Variants in SGCZ observed in about 807,000 individuals in gnomAD.
SGCZ encodes sarcoglycan zeta, also known as zeta-sarcoglycan.
In SGCZ, 40 loss-of-function variants were observed where a neutral mutation model predicts 41.3. The ratio of observed to expected loss-of-function variants is 0.97; its 90% CI spans 0.75 to 1.26. The LOEUF (loss-of-function observed/expected upper bound fraction) is 1.26. Among genes scored for constraint, SGCZ ranks in the 50% most tolerant of loss-of-function variants. SGCZ has a pLI of 0.00. For missense variants in SGCZ, 552 were observed against 369.8 expected (o/e 1.49, Z -4.04); for synonymous variants, 206 against 137.5 (o/e 1.50, Z -3.49).
At chr8:15,158,029 C>T (rs1799387273) in intron 1 of SGCZ, among the ~76,000 whole-genome samples, 1 of 152,128 alleles carries the variant, frequency 6.6e-6, no homozygotes, top group African/African-American at 2.4e-5. Flanking sequence ...TTTGTCCATG[C>T]ACTTGCCTCT....
intron 5 of SGCZ, among the ~76,000 whole-genome samples, chr8:14,141,997 A>C (rs191873225): frequency 6.6e-6 from 1 of 152,224 alleles, no homozygotes; most frequent in Non-Finnish European, 1.5e-5. Flanking sequence ...TAAAAAATGG[A>C]TAAGTTCATG....
In SGCZ at chr8:14,220,597, T is replaced by G. The variant is rs974221196; in HGVS notation, c.424+16995A>C. The stretch of plus-strand genomic sequence containing the variant: ...TAATAAAACCCCAGCCTGACCAACA[T>G]GTTGAAAGCCCGTCTCTACTAAAAA... On this transcript the variant is annotated intron_variant, in intron 4 of 7. Transcript: ENST00000382080. Among the ~76,000 whole-genome samples, 6 of 151,936 alleles carry G rather than the reference T, an allele frequency of 3.9e-5. No individual in the cohort carries two copies. The South Asian group carries it at 1.2e-3, about 32-fold the overall frequency.
chr8:14,751,385 A>G (rs1187236828), intron 1 of SGCZ, among the ~76,000 whole-genome samples: 1 of 152,158 alleles, frequency 6.6e-6, no homozygotes, highest in East Asian at 1.9e-4. Flanking sequence ...AGTAGGATCT[A>G]GAGTATTTAT....
intron 1 of SGCZ, among the ~76,000 whole-genome samples, chr8:14,666,423 G>C (rs529590281): frequency 2.2e-4 from 34 of 152,300 alleles, no homozygotes; most frequent in Admixed American, 2.0e-3. Context: ...TTGGTGACCA[G>C]ATGCAGTGAA....
At chr8:14,325,777 T>C (rs1314327078) in intron 2 of SGCZ, among the ~76,000 whole-genome samples, 17 of 75,026 alleles carry the variant, frequency 2.3e-4, no homozygotes, top group South Asian at 9.9e-4. Flanking sequence ...TATATATATA[T>C]ATATATATAT....
chr8:14,973,051 G>A (rs1324216609), intron 1 of SGCZ, among the ~76,000 whole-genome samples: 2 of 152,086 alleles, frequency 1.3e-5, no homozygotes, highest in African/African-American at 4.8e-5. Flanking sequence ...ACTGTGTGCT[G>A]GATATTTGCA....
At chr8:14,948,037 T>C (rs964283464) in intron 1 of SGCZ, among the ~76,000 whole-genome samples, 2 of 152,118 alleles carry the variant, frequency 1.3e-5, no homozygotes, top group African/African-American at 2.4e-5. Context: ...ACTTCTTCAT[T>C]ATGGAGAAGG....
At chr8:14,978,696 T>A (rs1801567876) in intron 1 of SGCZ, among the ~76,000 whole-genome samples, 1 of 152,116 alleles carries the variant, frequency 6.6e-6, no homozygotes, top group South Asian at 2.1e-4. Context: ...ATGAAATACC[T>A]TTCTTTAATA....
chr8:14,603,871 A>G (rs751760770), intron 1 of SGCZ, among the ~76,000 whole-genome samples: 49 of 152,176 alleles, frequency 3.2e-4, no homozygotes, highest in Non-Finnish European at 6.9e-4. Context: ...CTACATTGCT[A>G]AGTATTCAAA....
At chr8:15,053,683 G>A (rs1804603183) in intron 1 of SGCZ, among the ~76,000 whole-genome samples, 1 of 152,108 alleles carries the variant, frequency 6.6e-6, no homozygotes, top group Non-Finnish European at 1.5e-5. Context: ...GGGGTTGGGG[G>A]CTCAGTGAAA....
chr8:14,443,104 G>T (rs965637383), intron 2 of SGCZ, among the ~76,000 whole-genome samples: 3 of 152,088 alleles, frequency 2.0e-5, no homozygotes, highest in Admixed American at 6.5e-5. Flanking sequence ...AACTTACAAG[G>T]GACATGAAGG....
intron 1 of SGCZ, among the ~76,000 whole-genome samples, chr8:14,795,630 A>T (rs1034257050): frequency 3.9e-5 from 6 of 152,098 alleles, no homozygotes; most frequent in Non-Finnish European, 8.8e-5. Flanking sequence ...CCCTCATATT[A>T]AAATGCAAAA....
rs1563404641 is a variant in SGCZ at position 14,551,540 on chromosome 8, AT to A, written c.234+3191del. On this transcript the variant is annotated intron_variant, in intron 2 of 7. Transcript: ENST00000382080. The stretch of plus-strand genomic sequence containing the variant: ...ATTATATATAATATATATAATATAT[AT>A]AATATATATAATATATATTATATAT... 1.1e-3 allele frequency among the ~76,000 whole-genome samples: 6 copies of A among 5,702 alleles called. 3 individuals carry two copies. The highest frequency in any genetic ancestry group is 2.2e-3 in the Non-Finnish European group (6 of 2,712). The allele number at this position is 5,702 out of a possible 152,430, so 3.7% of individuals were successfully genotyped here.
At chr8:14,346,258 A>G (rs1802888880) in intron 2 of SGCZ, among the ~76,000 whole-genome samples, 1 of 151,666 alleles carries the variant, frequency 6.6e-6, no homozygotes, top group African/African-American at 2.4e-5. Flanking sequence ...TAAACCTAAA[A>G]CTCCTCAAAA....
rs535326321 is a variant in SGCZ, at chr8:14,950,688, C to A, written c.39+286897G>T. ...AGAAATACAGGCACTCATGTAGAAG[C>A]AAGATTTGAGAAATGTGAATGTGGT... On this transcript the variant is annotated intron_variant, in intron 1 of 7. Transcript: ENST00000382080. Among the ~76,000 whole-genome samples, 8 of 151,874 alleles carry A rather than the reference C, an allele frequency of 5.3e-5. No individual in the cohort carries two copies. In the South Asian group the frequency reaches 1.0e-3, roughly 20 times the overall value.
chr8:14,352,179 C>T (rs1803123795), intron 2 of SGCZ, among the ~76,000 whole-genome samples: 1 of 151,940 alleles, frequency 6.6e-6, no homozygotes, highest in Admixed American at 6.6e-5. Context: ...GTTACAAAAA[C>T]TTGTGTGAAG....
At chr8:15,120,154 A>G (rs10111663) in intron 1 of SGCZ, among the ~76,000 whole-genome samples, 23,572 of 152,202 alleles carry the variant, frequency 0.15, 1,921 homozygotes, top group East Asian at 0.27. Context: ...CCCAATTTTT[A>G]TATTTTTCTA....
At chr8:14,776,731 G>C (rs1242815073) in intron 1 of SGCZ, among the ~76,000 whole-genome samples, 2 of 151,842 alleles carry the variant, frequency 1.3e-5, no homozygotes, top group African/African-American at 4.8e-5. Flanking sequence ...CTGACCTTGT[G>C]ACCCGCCCAC....
At chr8:15,049,242 G>A (rs927249609) in intron 1 of SGCZ, among the ~76,000 whole-genome samples, 3 of 152,104 alleles carry the variant, frequency 2.0e-5, no homozygotes, top group African/African-American at 7.2e-5. Context: ...TAACAGTTAC[G>A]CAAACGGCAT....
Sources: allele counts gnomAD v4.1 joint callset (sites outside exome capture counted in the v4.1 genomes callset), GRCh38; gene constraint gnomAD v4.1.1; transcripts MANE v1.5; gene names NCBI Gene and HGNC (gene_info 2026-07-23, HGNC 2026-07-21).